The following BRAP variants were observed in gnomAD, a reference collection of about 807,000 sequenced individuals.
BRAP encodes the protein BRCA1 associated protein, also known as BRCA1-associated protein.
Under a neutral mutation model 73.4 loss-of-function variants are expected in BRAP, and 42 were observed. The observed-to-expected ratio is 0.57, with a 90% confidence interval of 0.45 to 0.74. BRAP has a LOEUF of 0.74. BRAP is among the 30% of genes least tolerant of loss of function. BRAP has a pLI of 0.00. For missense variants in BRAP, 593 were observed against 751.4 expected, an observed-to-expected ratio of 0.79 and a Z score of 2.46; for synonymous variants, 255 against 267.4, an observed-to-expected ratio of 0.95 and a Z score of 0.45.
intron 11 of BRAP, among the ~76,000 whole-genome samples, chr12:111,647,574 G>A (rs953504507): frequency 6.6e-6 from 1 of 152,098 alleles, no homozygotes; most frequent in Admixed American, 6.5e-5. Context: ...GCAGGGTGTG[G>A]TGGCCCATGC....
intron 5 of BRAP, chr12:111,669,860 T>G: frequency 1.6e-6 from 1 of 640,726 alleles, no homozygotes; most frequent in Non-Finnish European, 2.7e-6. Context: ...TTAATTGTCT[T>G]GGTCATTGAC....
At chr12:111,651,126 G>C (rs769059789) in intron 10 of BRAP, among the ~76,000 whole-genome samples, 24 of 152,168 alleles carry the variant, frequency 1.6e-4, no homozygotes, top group Admixed American at 2.0e-4. Flanking sequence ...AACTGAAAGT[G>C]GCTGAGAATT....
chr12:111,680,151 T>A (rs972903114), intron 3 of BRAP, among the ~76,000 whole-genome samples: 6 of 151,282 alleles, frequency 4.0e-5, no homozygotes, highest in African/African-American at 1.5e-4. Flanking sequence ...GAGATGGGGT[T>A]TCACTATGTT....
intron 4 of BRAP, among the ~76,000 whole-genome samples, chr12:111,676,059 T>G (rs1039090881): frequency 6.6e-6 from 1 of 152,154 alleles, no homozygotes; most frequent in African/African-American, 2.4e-5. Flanking sequence ...AAAAAATTTT[T>G]AAGAAACAGG....
intron 4 of BRAP, among the ~76,000 whole-genome samples, chr12:111,673,724 C>T (rs1327541209): frequency 6.6e-6 from 1 of 152,092 alleles, no homozygotes; most frequent in Non-Finnish European, 1.5e-5. Context: ...AGCTCTTGGT[C>T]AAGGTCAAGG....
chr12:111,673,637 T>A (rs1045633168), intron 4 of BRAP, among the ~76,000 whole-genome samples: 4 of 151,688 alleles, frequency 2.6e-5, no homozygotes, highest in East Asian at 1.9e-4. Context: ...AATAATAATA[T>A]ATGATAGTTA....
intron 5 of BRAP, among the ~76,000 whole-genome samples, chr12:111,667,158 A>G (rs1454901000): frequency 6.6e-6 from 1 of 152,210 alleles, no homozygotes; most frequent in Non-Finnish European, 1.5e-5. Flanking sequence ...TAAGAGTTCT[A>G]TATACATTTC....
chr12:111,666,903 T>C (rs926304885), intron 5 of BRAP, among the ~76,000 whole-genome samples: 3 of 152,220 alleles, frequency 2.0e-5, no homozygotes. Flanking sequence ...GCACAAAGGA[T>C]GCCCAATTTT....
chr12:111,676,125 G>C (rs1350115842), intron 4 of BRAP, among the ~76,000 whole-genome samples: 3 of 151,436 alleles, frequency 2.0e-5, no homozygotes, highest in Non-Finnish European at 4.4e-5. Context: ...CAATACTCCT[G>C]TCTTGGCCTC....
chr12:111,677,776 G>T (rs1887440236), intron 4 of BRAP, among the ~76,000 whole-genome samples: 1 of 152,156 alleles, frequency 6.6e-6, no homozygotes, highest in South Asian at 2.1e-4. Context: ...GTGCTTTTCT[G>T]TTCTTAATGT....
At chr12:111,653,712 C>T (rs975780947) in intron 10 of BRAP, among the ~76,000 whole-genome samples, 2 of 152,186 alleles carry the variant, frequency 1.3e-5, no homozygotes, top group African/African-American at 2.4e-5. Flanking sequence ...GTCCGGGTTA[C>T]TGTTTCTCCC....
intron 4 of BRAP, among the ~76,000 whole-genome samples, chr12:111,673,510 G>GAAA (rs11350832): frequency 8.5e-6 from 1 of 118,158 alleles, no homozygotes; most frequent in Non-Finnish European, 1.8e-5. Flanking sequence ...ATCTCAAAAA[G>GAAA]AAAAAAAAAA....
chr12:111,666,734 G>C (rs1018054097), intron 5 of BRAP, among the ~76,000 whole-genome samples: 1 of 152,180 alleles, frequency 6.6e-6, no homozygotes, highest in Non-Finnish European at 1.5e-5. Flanking sequence ...AGACGAGAAA[G>C]AATTACTTAG....
intron 11 of BRAP, among the ~76,000 whole-genome samples, chr12:111,649,563 C>T (rs920030227): frequency 6.6e-6 from 1 of 152,244 alleles, no homozygotes; most frequent in Non-Finnish European, 1.5e-5. Flanking sequence ...TTGCCTTTAA[C>T]TCCTGCCCAA....
intron 4 of BRAP, among the ~76,000 whole-genome samples, chr12:111,673,848 C>A (rs972694434): frequency 6.6e-6 from 1 of 152,136 alleles, no homozygotes; most frequent in South Asian, 2.1e-4. Flanking sequence ...GGCACATGTG[C>A]GTCTATGAAA....
At chr12:111,668,907 C>A (rs1362624213) in intron 5 of BRAP, among the ~76,000 whole-genome samples, 2 of 152,174 alleles carry the variant, frequency 1.3e-5, no homozygotes, top group Non-Finnish European at 1.5e-5. Context: ...CCACCCTCAA[C>A]CTCCCAAAGT....
Position 111,665,909 on chromosome 12 carries a change from C to A in BRAP, c.748-122G>T. On this transcript the variant is annotated intron_variant, in intron 5 of 11. Coordinates refer to ENST00000419234, the MANE Select transcript of BRAP (RefSeq NM_006768.5). This position sits in a 1 kb window ranked among gnomAD's most constrained non-coding sequence, Gnocchi z 4.3. ...CCACGCTGGAGCCCAGTGGCGCAATCATGGCTCATTACAGCCTTGACCTCC... is the reference window on the plus strand; with the variant it reads ...CCACGCTGGAGCCCAGTGGCGCAATAATGGCTCATTACAGCCTTGACCTCC... 7.4e-7 allele frequency: 1 copy of A among 1,345,288 alleles called. No individual in the cohort carries two copies. The highest frequency in any genetic ancestry group is 1.0e-6 in the Non-Finnish European group (1 of 984,318). 83.3% of individuals were successfully genotyped at this position (1,345,288 alleles called of 1,614,324 possible). A position where few individuals can be genotyped will look rare whatever the true frequency, so the allele number is the denominator to read the frequency against.
chr12:111,662,349 A>C (rs148816430), intron 6 of BRAP, among the ~76,000 whole-genome samples: 15 of 152,042 alleles, frequency 9.9e-5, no homozygotes, highest in African/African-American at 3.4e-4. Context: ...TCGGGAGTTT[A>C]AGACCAGCTT....
At chr12:111,662,614 A>C (rs572333318) in intron 6 of BRAP, among the ~76,000 whole-genome samples, 3 of 152,286 alleles carry the variant, frequency 2.0e-5, no homozygotes, top group East Asian at 1.9e-4. Context: ...AAAATGGAAT[A>C]AACAGGAAGA....
Sources: gnomAD v4.1 joint callset for allele counts (sites outside exome capture counted in the v4.1 genomes callset) on GRCh38, gnomAD v4.1.1 for gene constraint, Gnocchi (gnomAD v3.1) non-coding constraint, MANE v1.5 for transcripts, NCBI Gene and HGNC (gene_info 2026-07-23, HGNC 2026-07-21) for gene names.